Variants in NFE2 observed in about 807,000 individuals in gnomAD.
NFE2 encodes the protein nuclear factor, erythroid 2.
Under a neutral mutation model 25.8 loss-of-function variants are expected in NFE2, and 13 were observed. The ratio of observed to expected loss-of-function variants is 0.50; its 90% confidence interval spans 0.33 to 0.80. NFE2 has a LOEUF of 0.80. Ranked by LOEUF, NFE2 falls within the 30% of genes least tolerant of loss-of-function variation. The pLI is 0.02. For missense variants in NFE2, 382 were observed against 478.9 expected (o/e 0.80, Z 1.89); for synonymous variants, 204 against 200.2 (o/e 1.02, Z -0.16).
At chr12:54,296,689 C>A (rs781166018) in intron 1 of NFE2, among the ~76,000 whole-genome samples, 5 of 152,142 alleles carry the variant, frequency 3.3e-5, no homozygotes, top group Admixed American at 6.5e-5. Flanking sequence ...GCCCTCCAGT[C>A]CCTTTTCTTT....
chr12:54,294,018 A>C (rs1944345133), intron 2 of NFE2, among the ~76,000 whole-genome samples: 1 of 152,154 alleles, frequency 6.6e-6, no homozygotes, highest in Non-Finnish European at 1.5e-5. Flanking sequence ...CTGTAATCCC[A>C]GCACTTTGGG....
In NFE2 at chr12:54,300,845, G is replaced by C. The variant is rs1038653819; in HGVS notation, c.-101C>G. The C allele has an allele frequency of 9.9e-5, 15 of 152,232 alleles. No individual in the cohort carries two copies. Among genetic ancestry groups the C allele is most frequent in the African/African-American group, 3.1e-4 (13 of 41,510 alleles). The allele number at this position is 152,232 out of a possible 1,614,324, so 9.4% of individuals were successfully genotyped here. A position where few individuals can be genotyped will look rare whatever the true frequency, so the allele number is the denominator to read the frequency against. On this transcript the variant is annotated 5_prime_UTR_variant, in exon 1 of 3. Transcript: ENST00000435572. ...GGGTGAGGAGAGAGATGAGGCTCCC[G>C]GTGTTGTCTCTGGGGAGGCTGAGCC... is the stretch of plus-strand genomic sequence containing the variant.
chr12:54,294,955 T>C (rs1944356961), intron 2 of NFE2, among the ~76,000 whole-genome samples, 180 bp downstream of exon 2: 1 of 152,042 alleles, frequency 6.6e-6, no homozygotes, highest in Non-Finnish European at 1.5e-5. Flanking sequence ...GCTCCTCCAC[T>C]CCTCCTCCTC....
In NFE2 at chr12:54,292,406, G is replaced by A; in HGVS notation, c.1090C>T (p.Pro364Ser). Reference sequence around the variant, plus strand: ...GTGGCCTCCATCTTGGTCCCCCGGGGCACAAGGAAGATGGTCCCATCGGCA... The same window carrying A: ...GTGGCCTCCATCTTGGTCCCCCGGGACACAAGGAAGATGGTCCCATCGGCA... ...QAADGTIFLV[P>S]RGTKMEATD The change falls in exon 3 of 3, where the codon CCC (proline) becomes TCC (serine). Residue 364 changes from proline (P) to serine (S), a missense_variant. By Grantham distance (74) the Pro-to-Ser change is moderately conservative. Coordinates refer to ENST00000435572, the MANE Select transcript of NFE2 (RefSeq NM_001136023.3). 8 of 1,614,094 alleles carry A rather than the reference G, an allele frequency of 5.0e-6. No individual in the cohort carries two copies. The highest frequency in any genetic ancestry group is 6.8e-6 in the Non-Finnish European group (8 of 1,179,952).
Position 54,292,659 on chromosome 12 carries a change from T to C in NFE2, c.837A>G (p.Ala279=), listed in dbSNP as rs902464334. 10 of 1,614,232 alleles carry C rather than the reference T, an allele frequency of 6.2e-6. No individual in the cohort carries two copies. The highest frequency in any genetic ancestry group is 8.5e-6 in the Non-Finnish European group (10 of 1,180,046). The change falls in exon 3 of 3, where the codon GCA becomes GCG. Residue 279 remains alanine (A), a synonymous_variant. Coordinates refer to ENST00000435572, the MANE Select transcript of NFE2 (RefSeq NM_001136023.3). ...DIRRRGKNKV[A]AQNCRKRKLE... ...GCTTCCTCTTGCGGCAGTTCTGGGC[T>C]GCCACCTTGTTTTTGCCCCGTCGTC...
rs370451600 is a variant in NFE2 at position 54,292,537 on chromosome 12, T to G, written c.959A>C (p.Glu320Ala). The change falls in exon 3 of 3, where the codon GAG (glutamate) becomes GCG (alanine). Residue 320 changes from glutamate (E) to alanine (A), a missense_variant. By Grantham distance (107) the Glu-to-Ala change is moderately radical. Transcript: ENST00000435572. ...CTCTGTCAGCTGTTGGCGCATGACC[T>G]CCAGGGTCCGGTCTGCCTCCCCGCG... ...RARGEADRTLEVMRQQLTELY... is the reference protein window; with the variant it reads ...RARGEADRTLAVMRQQLTELY... 12 of 1,614,042 alleles carry G rather than the reference T, an allele frequency of 7.4e-6. No individual in the cohort carries two copies. The African/African-American group carries it at 1.3e-4, about 18-fold the overall frequency.
At chr12:54,296,080 A>G (rs539004091) in intron 1 of NFE2, among the ~76,000 whole-genome samples, 14 of 152,324 alleles carry the variant, frequency 9.2e-5, no homozygotes, top group African/African-American at 3.4e-4. Context: ...AGCACTTGTT[A>G]AGAACTGTGC....
rs1164350383 is a variant in NFE2, at chr12:54,292,297, G to A, written c.*77C>T. 3.4e-6 allele frequency: 5 copies of A among 1,474,372 alleles called. No individual in the cohort carries two copies. The highest frequency in any genetic ancestry group is 4.6e-6 in the Non-Finnish European group (5 of 1,080,672). 91.3% of individuals were successfully genotyped at this position (1,474,372 alleles called of 1,614,324 possible). A position where few individuals can be genotyped will look rare whatever the true frequency, so the allele number is the denominator to read the frequency against. On this transcript the variant is annotated 3_prime_UTR_variant, in exon 3 of 3. Transcript: ENST00000435572. ...GTCTAGAGAACTCAGCTCCTTCTGG[G>A]ACTCAGGGTTGGGGAGTACCTTTAT...
intron 1 of NFE2, among the ~76,000 whole-genome samples, chr12:54,299,954 G>C (rs1188091353): frequency 6.6e-6 from 1 of 151,690 alleles, no homozygotes; most frequent in Non-Finnish European, 1.5e-5. Context: ...AGAATGAAGG[G>C]GAAAAAAAGG....
At position 54,292,907 on chromosome 12, in the gene NFE2, G is replaced by T. The variant is rs748234647; in HGVS notation, c.589C>A (p.Pro197Thr). ...AAGGCCAAGGGGGTCTCAGCAGCTG[G>T]CAAGGTATAGTTGGAGTGGGCCAAG... ...NSLAHSNYTL[P>T]AAETPLALEP... The change falls in exon 3 of 3, where the codon CCA becomes ACA. Residue 197 changes from proline (P) to threonine (T), a missense_variant. Coordinates refer to ENST00000435572, the MANE Select transcript of NFE2 (RefSeq NM_001136023.3). 6 of 1,608,340 alleles carry T rather than the reference G, an allele frequency of 3.7e-6. No individual in the cohort carries two copies. In the East Asian group the frequency reaches 1.1e-4, roughly 30 times the overall value.
chr12:54,299,535 T>C (rs1011058666), intron 1 of NFE2, among the ~76,000 whole-genome samples: 3 of 152,238 alleles, frequency 2.0e-5, no homozygotes, highest in African/African-American at 7.2e-5. Context: ...GAAATGGGGT[T>C]GTCACCAGGG....
intron 2 of NFE2, among the ~76,000 whole-genome samples, chr12:54,293,779 G>A (rs1221405683): frequency 1.3e-5 from 2 of 152,046 alleles, no homozygotes; most frequent in Admixed American, 6.6e-5. Context: ...AACCCCGGAG[G>A]TGGAGGTTGA....
intron 1 of NFE2, among the ~76,000 whole-genome samples, chr12:54,298,345 T>C (rs1196479715): frequency 2.0e-5 from 3 of 151,734 alleles, no homozygotes; most frequent in East Asian, 3.9e-4. Flanking sequence ...TTGTCTCTAC[T>C]ATAAATACAA....
At chr12:54,295,985 C>G (rs761245749) in intron 1 of NFE2, among the ~76,000 whole-genome samples, 1 of 152,244 alleles carries the variant, frequency 6.6e-6, no homozygotes, top group Non-Finnish European at 1.5e-5. Context: ...TGTGTCCTCA[C>G]AGGGTCATTT....
rs764983229 is a variant in NFE2 at position 54,292,774 on chromosome 12, T to C, written c.722A>G (p.Lys241Arg). ...LAMKIPFPTD[K>R]IVNLPVDDFN... ...GTCATCTACCGGCAAGTTGACAATC[T>C]TGTCCGTAGGAAAAGGAATCTTCAT... The change falls in exon 3 of 3, where the codon AAG becomes AGG. Residue 241 changes from lysine to arginine, a missense_variant. Physicochemically the swap from Lys to Arg is conservative, Grantham distance 26. Transcript: ENST00000435572. 5.6e-6 allele frequency: 9 copies of C among 1,614,228 alleles called. No homozygotes were observed. The highest frequency in any genetic ancestry group is 7.6e-6 in the Non-Finnish European group (9 of 1,180,042).
At chr12:54,295,495 G>A (rs755998990) in intron 1 of NFE2, 191 bp from the exon 2 acceptor site, 49 of 409,344 alleles carry the variant, frequency 1.2e-4, no homozygotes, top group African/African-American at 2.2e-4. Context: ...TCTCCACCTC[G>A]CCAACTATGG....
Position 54,292,843 on chromosome 12 carries a change from G to A in NFE2, c.653C>T (p.Ala218Val). 3 of 1,614,192 alleles carry A rather than the reference G, an allele frequency of 1.9e-6. No individual in the cohort carries two copies. Among genetic ancestry groups the A allele is most frequent in the Non-Finnish European group, 2.5e-6 (3 of 1,180,032 alleles). The change falls in exon 3 of 3, where the codon GCA becomes GTA. Residue 218 changes from alanine to valine, a missense_variant. Ala to Val is a moderately conservative substitution (Grantham distance 64). Coordinates refer to ENST00000435572, the MANE Select transcript of NFE2 (RefSeq NM_001136023.3). ...SSGPVRAKPTARGEAGSRDER... is the reference protein window; with the variant it reads ...SSGPVRAKPTVRGEAGSRDER... The stretch of plus-strand genomic sequence containing the variant: ...ATCCCGACTCCCTGCCTCCCCCCGT[G>A]CAGTGGGCTTAGCCCGCACAGGGCC...
At chr12:54,299,685 G>T (rs1038252549) in intron 1 of NFE2, among the ~76,000 whole-genome samples, 1 of 152,148 alleles carries the variant, frequency 6.6e-6, no homozygotes, top group Admixed American at 6.5e-5. Flanking sequence ...AGGGATGATG[G>T]AGAGAGGAAT....
chr12:54,293,174 T>C lies in NFE2; in HGVS notation c.322A>G (p.Lys108Glu). The change falls in exon 3 of 3, where the codon AAG becomes GAG. Residue 108 changes from lysine (K) to glutamate (E), a missense_variant. By Grantham distance (56) the Lys-to-Glu change is moderately conservative. Transcript: ENST00000435572. ...AGCAGGCCTGAGAGGCTCAGTGGCT[T>C]GGAGACTGGTATGGCCATGTTGCCA... ...SYGNMAIPVSKPLSLSGLLSE... is the reference protein window; with the variant it reads ...SYGNMAIPVSEPLSLSGLLSE... 6.4e-7 allele frequency: 1 copy of C among 1,561,626 alleles called. No homozygotes were observed. Among genetic ancestry groups the C allele is most frequent in the Non-Finnish European group, 8.7e-7 (1 of 1,150,764 alleles).
Sources: gnomAD v4.1 joint callset for allele counts (sites outside exome capture counted in the v4.1 genomes callset) on GRCh38, gnomAD v4.1.1 for gene constraint, MANE v1.5 for transcripts, NCBI Gene and HGNC (gene_info 2026-07-23, HGNC 2026-07-21) for gene names.